The following NTM variants were observed in gnomAD, a reference collection of about 807,000 sequenced individuals.
NTM encodes IgLON family member 2.
In NTM, 13 loss-of-function variants were observed where a neutral mutation model predicts 42.1. That is an observed-to-expected ratio of 0.31 (90% CI 0.20 to 0.49). The LOEUF (loss-of-function observed/expected upper bound fraction) is 0.49, where lower values mean the gene tolerates loss of function less well. Ranked by LOEUF, NTM falls within the 20% of genes least tolerant of loss-of-function variation. The pLI, the probability that NTM is intolerant of heterozygous loss-of-function variation, is 0.99. For missense variants in NTM, 373 were observed against 452.8 expected, an observed-to-expected ratio of 0.82 and a Z score of 1.60; for synonymous variants, 187 against 179.2, an observed-to-expected ratio of 1.04 and a Z score of -0.35.
rs1394756065 is a variant in NTM at position 132,314,598 on chromosome 11, C to A, written c.829C>A (p.Leu277Ile). ...GGTGAAAGTGGAAAACAGACCTTTC[C>A]TCTCAAAACTCATCTTCTTCAATGT... Reference protein sequence around the residue: ...KGVKVENRPFLSKLIFFNVSE... With the variant: ...KGVKVENRPFISKLIFFNVSE... The change falls in exon 7 of 9, where the codon CTC (leucine) becomes ATC (isoleucine). Residue 277 changes from leucine to isoleucine, a missense_variant. By Grantham distance (5) the Leu-to-Ile change is conservative. Around this residue, in one of 3 missense-constraint regions of NTM, gnomAD observed 312 missense variants for 353.5 expected, o/e 0.88. Transcript: ENST00000683400. 2 of 1,613,712 alleles carry A rather than the reference C, an allele frequency of 1.2e-6. No homozygotes were observed. The highest frequency in any genetic ancestry group is 1.7e-6 in the Non-Finnish European group (2 of 1,179,784).
At chr11:132,001,778 A>G (rs1328781827) in intron 2 of NTM, among the ~76,000 whole-genome samples, 2 of 139,146 alleles carry the variant, frequency 1.4e-5, no homozygotes, top group African/African-American at 6.3e-5. Context: ...ACAGACAGGC[A>G]CACACACACA....
chr11:132,236,691 C>T (rs1405757258), intron 4 of NTM, among the ~76,000 whole-genome samples: 1 of 152,198 alleles, frequency 6.6e-6, no homozygotes, highest in Non-Finnish European at 1.5e-5. Context: ...TGTAGAAAGG[C>T]AGAGCAAGCC....
chr11:131,746,353 G>A (rs1348543149), intron 1 of NTM, among the ~76,000 whole-genome samples: 1 of 152,136 alleles, frequency 6.6e-6, no homozygotes, highest in Non-Finnish European at 1.5e-5. Context: ...CGCCGGAAAA[G>A]TAAAACATTG....
At chr11:131,791,330 A>G (rs1321588049) in intron 1 of NTM, among the ~76,000 whole-genome samples, 6 of 152,356 alleles carry the variant, frequency 3.9e-5, no homozygotes, top group Non-Finnish European at 7.4e-5. Context: ...ATGCAGTGTT[A>G]TCTTTCTAAA....
intron 1 of NTM, chr11:131,794,785 C>T: frequency 1.0e-6 from 1 of 985,420 alleles, no homozygotes; most frequent in Middle Eastern, 5.2e-4. Context: ...GAAAAGCATT[C>T]ATGTACTTTG....
chr11:132,056,376 G>GT (rs1182369593), intron 2 of NTM, among the ~76,000 whole-genome samples: 1 of 152,206 alleles, frequency 6.6e-6, no homozygotes, highest in African/African-American at 2.4e-5. Context: ...AATTTTCAAT[G>GT]TAGCAGTTCA....
In NTM at chr11:132,173,351, G is replaced by A. The variant is rs572001836; in HGVS notation, c.400+26837G>A. 4.6e-5 allele frequency among the ~76,000 whole-genome samples: 7 copies of A among 152,298 alleles called. No individual in the cohort carries two copies. The East Asian group carries it at 7.7e-4, about 17-fold the overall frequency. On this transcript the variant is annotated intron_variant, in intron 3 of 8. Transcript: ENST00000683400. ...AAATAATCTGTGATTGTCCATGAGT[G>A]TGCAGCGAAGTGGGGTCTCCGGAAT...
intron 1 of NTM, among the ~76,000 whole-genome samples, chr11:131,893,187 TG>T (rs751728678): frequency 4.6e-5 from 7 of 152,212 alleles, no homozygotes; most frequent in Non-Finnish European, 1.0e-4. Context: ...TCAATTATTT[TG>T]GGTGCTCAAT....
chr11:131,653,397 G>A (rs917474508), intron 1 of NTM, among the ~76,000 whole-genome samples: 1 of 152,230 alleles, frequency 6.6e-6, no homozygotes, highest in African/African-American at 2.4e-5. Context: ...GGAAGGCTCA[G>A]GCCTCGCTGC....
At chr11:131,377,539 T>A (rs1942127077) in intron 1 of NTM, among the ~76,000 whole-genome samples, 1 of 152,240 alleles carries the variant, frequency 6.6e-6, no homozygotes, top group Non-Finnish European at 1.5e-5. Flanking sequence ...AGAGCTAAGA[T>A]AACCTCCTCT....
At chr11:131,477,421 G>C (rs1405291667) in intron 1 of NTM, among the ~76,000 whole-genome samples, 1 of 151,844 alleles carries the variant, frequency 6.6e-6, no homozygotes, top group South Asian at 2.1e-4. Context: ...TGCCATTCTC[G>C]GTGGCCAGAG....
intron 8 of NTM, 26 bp from the exon 9 acceptor site, chr11:132,335,020 T>C: frequency 6.2e-7 from 1 of 1,605,448 alleles, no homozygotes. Context: ...CCCAGACCAC[T>C]CACGGCGAGT....
At chr11:131,676,900 C>T (rs76427918) in intron 1 of NTM, among the ~76,000 whole-genome samples, 4,285 of 152,320 alleles carry the variant, frequency 0.028, 79 homozygotes, top group Non-Finnish European at 0.042. Flanking sequence ...AGTCGCCTCA[C>T]GACGGACCTG....
intron 1 of NTM, among the ~76,000 whole-genome samples, chr11:131,666,639 TG>T (rs2069106199): frequency 6.6e-6 from 1 of 152,186 alleles, no homozygotes; most frequent in Non-Finnish European, 1.5e-5. Flanking sequence ...AGAGGTTGAC[TG>T]AAAGCCAAGT....
chr11:131,821,852 A>G (rs1265779307), intron 1 of NTM, among the ~76,000 whole-genome samples: 1 of 152,222 alleles, frequency 6.6e-6, no homozygotes, highest in Non-Finnish European at 1.5e-5. Context: ...AGCTGATTTC[A>G]CAGAACTTTC....
chr11:132,240,067 G>GTCCATCCATCCATCCA (rs547649451), intron 4 of NTM, among the ~76,000 whole-genome samples: 77 of 91,158 alleles, frequency 8.4e-4, no homozygotes, highest in African/African-American at 2.0e-3. Flanking sequence ...CCCTCCATCC[G>GTCCATCCATCCATCCA]TCCATCCATC....
chr11:131,851,393 A>G (rs1302004456), intron 1 of NTM, among the ~76,000 whole-genome samples: 1 of 152,176 alleles, frequency 6.6e-6, no homozygotes, highest in East Asian at 1.9e-4. Flanking sequence ...CCCTCCCGCT[A>G]ATAGAAAAAA....
rs180813592 is a variant in NTM at position 132,126,778 on chromosome 11, C to T, written c.168-19504C>T. Among the ~76,000 whole-genome samples, 132 of 152,182 alleles carry T rather than the reference C, an allele frequency of 8.7e-4. 1 individual carries two copies. The highest frequency in any genetic ancestry group is 2.9e-3 in the African/African-American group (120 of 41,532). ...GAAGCCTCCAGAACGTGCCTTTTTC[C>T]GATTTGTGCTGGCTGCGACCTTGCA... On this transcript the variant is annotated intron_variant, in intron 2 of 8. Transcript: ENST00000683400.
At chr11:132,222,177 A>T (rs1185012182) in intron 4 of NTM, among the ~76,000 whole-genome samples, 1 of 152,142 alleles carries the variant, frequency 6.6e-6, no homozygotes, top group East Asian at 1.9e-4. Context: ...CAAAGGACAG[A>T]GCCCTTGTGT....
Sources: gnomAD v4.1 joint callset for allele counts (sites outside exome capture counted in the v4.1 genomes callset) on GRCh38, gnomAD v4.1.1 for gene constraint, gnomAD v4.1.1 regional missense constraint, MANE v1.5 for transcripts, NCBI Gene and HGNC (gene_info 2026-07-23, HGNC 2026-07-21) for gene names.